MYO18B: variants seen among roughly 807,000 people sequenced by gnomAD.
The protein encoded by MYO18B is myosin XVIIIB.
A neutral mutation model predicts 273.0 loss-of-function variants in MYO18B; 204 were observed. That is an observed-to-expected ratio of 0.75 (90% CI 0.67 to 0.84). The LOEUF is 0.84. Ranked by LOEUF, MYO18B falls within the 40% of genes least tolerant of loss-of-function variation. MYO18B has a pLI of 0.00. For missense variants in MYO18B, 3,212 were observed against 3,287.6 expected (o/e 0.98, Z 0.56); for synonymous variants, 1,330 against 1,305.7 (o/e 1.02, Z -0.40).
chr22:26,060,128 G>A, the MYO18B span, among the ~76,000 whole-genome samples: 1 of 152,206 alleles, frequency 6.6e-6, no homozygotes, highest in East Asian at 1.9e-4. Context: ...AGCTCTCTAG[G>A]GCAGGGACCA....
chr22:25,961,910 T>G (rs898824323), intron 39 of MYO18B, among the ~76,000 whole-genome samples: 3 of 152,192 alleles, frequency 2.0e-5, no homozygotes, highest in African/African-American at 7.2e-5. Context: ...GAAAACAGCC[T>G]TCCACTTCCT....
chr22:25,847,377 C>T, intron 19 of MYO18B, 53 bp from the exon 20 acceptor site: 4 of 1,491,282 alleles, frequency 2.7e-6, no homozygotes, highest in Non-Finnish European at 3.7e-6. Flanking sequence ...GTCCAGTCCC[C>T]TTTCTGTGTC....
At position 25,963,364 on chromosome 22, in the gene MYO18B, G is replaced by A. The variant is rs138386339; in HGVS notation, c.6156+8000G>A. On this transcript the variant is annotated intron_variant, in intron 39 of 43. Transcript: ENST00000335473. ...GAAATGAAGATGTTGGGAGAGACAT[G>A]CTCCTCTGAAGGCTCTAGGGGAGAA... 4.7e-3 allele frequency among the ~76,000 whole-genome samples: 713 copies of A among 151,814 alleles called. 8 individuals carry two copies. The highest frequency in any genetic ancestry group is 0.02 in the South Asian group (97 of 4,788).
chr22:25,955,255 A>G lies in MYO18B; in HGVS notation c.6047A>G (p.Gln2016Arg), dbSNP rs762779430. 6.2e-7 allele frequency: 1 copy of G among 1,613,678 alleles called. No individual in the cohort carries two copies. The highest frequency in any genetic ancestry group is 2.2e-5 in the East Asian group (1 of 44,876). The change falls in exon 39 of 44, where the codon CAG becomes CGG. Residue 2016 changes from glutamine (Q) to arginine (R), a missense_variant. Coordinates refer to ENST00000335473, the MANE Select transcript of MYO18B (RefSeq NM_032608.7). Reference sequence around the variant, plus strand: ...TCACAGGCGGCCACCTCCGAGTCCCAGCAGCGGGAGAGCAGCCAGTACTAC... The same window carrying G: ...TCACAGGCGGCCACCTCCGAGTCCCGGCAGCGGGAGAGCAGCCAGTACTAC... ...ELSQAATSESQQRESSQYYQR... is the reference protein window; with the variant it reads ...ELSQAATSESRQRESSQYYQR...
chr22:25,991,776 C>T, intron 39 of MYO18B, among the ~76,000 whole-genome samples: 1 of 152,206 alleles, frequency 6.6e-6, no homozygotes, highest in East Asian at 1.9e-4. Flanking sequence ...GCAAAATACT[C>T]AACACAGCTC....
intron 33 of MYO18B, among the ~76,000 whole-genome samples, chr22:25,914,873 ATT>A (rs2146408700): frequency 6.7e-6 from 1 of 148,458 alleles, no homozygotes; most frequent in Non-Finnish European, 1.5e-5. Context: ...ATTTTTTTGT[ATT>A]TTTCATAGAG....
intron 1 of MYO18B, among the ~76,000 whole-genome samples, chr22:25,760,322 G>A (rs1220680137): frequency 1.4e-5 from 2 of 143,596 alleles, no homozygotes; most frequent in Admixed American, 7.4e-5. Context: ...GGCTGAGGCA[G>A]AATTGCTGGA....
At chr22:25,760,269 G>T (rs1418402286) in intron 1 of MYO18B, among the ~76,000 whole-genome samples, 1 of 151,946 alleles carries the variant, frequency 6.6e-6, no homozygotes, top group East Asian at 1.9e-4. Context: ...TAAAAAATTA[G>T]CCGGGTGTGG....
chr22:25,893,001 G>A (rs2301499), intron 27 of MYO18B, among the ~76,000 whole-genome samples: 1 of 152,194 alleles, frequency 6.6e-6, no homozygotes, highest in African/African-American at 2.4e-5. Context: ...GGGCACATTA[G>A]TCACAATGCT....
intron 12 of MYO18B, among the ~76,000 whole-genome samples, chr22:25,817,221 TTTCG>T (rs747087990): frequency 6.6e-6 from 1 of 150,850 alleles, no homozygotes; most frequent in Non-Finnish European, 1.5e-5. Flanking sequence ...TCTTTCTTTC[TTTCG>T]TTCTTTCTCT....
rs2090152108 is a variant in MYO18B, at chr22:25,843,733, AG to A, written c.3210del. 30 of 1,610,596 alleles carry A rather than the reference AG, an allele frequency of 1.9e-5. No homozygotes were observed. Among genetic ancestry groups the A allele is most frequent in the Non-Finnish European group, 2.5e-5 (30 of 1,177,416 alleles). ...CACTCATGCCACCATGTCTGTTTCCAGGGTCCTCTGCCCTGCGGACCTGTGA... is the reference window on the plus strand; with the variant it reads ...CACTCATGCCACCATGTCTGTTTCCAGGTCCTCTGCCCTGCGGACCTGTGA... On this transcript the variant is annotated splice_acceptor_variant, in intron 17 of 43. Coordinates refer to ENST00000335473, the MANE Select transcript of MYO18B (RefSeq NM_032608.7). LOFTEE classifies it high-confidence loss of function.
rs74510706 is a variant in MYO18B, at chr22:25,789,740, A to G, written c.2376+4249A>G. Among the ~76,000 whole-genome samples the G allele has an allele frequency of 5.3e-3, 813 of 152,330 alleles. 9 individuals carry two copies. Among genetic ancestry groups the G allele is most frequent in the African/African-American group, 0.019 (786 of 41,582 alleles). On this transcript the variant is annotated intron_variant, in intron 11 of 43. Transcript: ENST00000335473. ...ATACACACACACACTCGAGCAAACC[A>G]GAAAACAAGCGCCATTCACCTCACC...
chr22:25,869,203 C>A (rs2090976676), intron 22 of MYO18B, among the ~76,000 whole-genome samples: 1 of 152,058 alleles, frequency 6.6e-6, no homozygotes, highest in Non-Finnish European at 1.5e-5. Context: ...AATTCCAGCA[C>A]TTTGGGAGGC....
intron 39 of MYO18B, among the ~76,000 whole-genome samples, chr22:25,962,899 G>C (rs768460700): frequency 1.3e-5 from 2 of 152,086 alleles, no homozygotes; most frequent in Admixed American, 1.3e-4. Flanking sequence ...CCAGGTTGCC[G>C]GAGAGTCAGA....
chr22:25,831,968 A>G (rs2089723030), intron 15 of MYO18B, among the ~76,000 whole-genome samples: 1 of 152,156 alleles, frequency 6.6e-6, no homozygotes, highest in Admixed American at 6.5e-5. Context: ...TTAAACAGAC[A>G]TTTCTCCAGA....
At chr22:26,038,504 T>G in the MYO18B span, among the ~76,000 whole-genome samples, 327 of 152,290 alleles carry the variant, frequency 2.1e-3, 6 homozygotes, top group East Asian at 0.049. Context: ...TATGGCAACA[T>G]ACTCCATGCC....
chr22:25,991,632 C>T (rs1360487027), intron 39 of MYO18B, among the ~76,000 whole-genome samples: 1 of 152,218 alleles, frequency 6.6e-6, no homozygotes, highest in Non-Finnish European at 1.5e-5. Flanking sequence ...AGAGGGGCGT[C>T]AGAGGCACCG....
At chr22:26,048,056 C>T in the MYO18B span, among the ~76,000 whole-genome samples, 3 of 152,224 alleles carry the variant, frequency 2.0e-5, no homozygotes, top group Non-Finnish European at 4.4e-5. Context: ...ACGTGCTTTG[C>T]TGTCAGAGTC....
intron 34 of MYO18B, among the ~76,000 whole-genome samples, chr22:25,939,597 G>C (rs2092620549): frequency 6.6e-6 from 1 of 152,156 alleles, no homozygotes. Context: ...GCCCCTCTTT[G>C]AGCTTGGGGA....
Sources: allele counts gnomAD v4.1 joint callset (sites outside exome capture counted in the v4.1 genomes callset), GRCh38; gene constraint gnomAD v4.1.1; transcripts MANE v1.5; gene names NCBI Gene and HGNC (gene_info 2026-07-23, HGNC 2026-07-21).